Variants in HS2ST1 observed in about 807,000 individuals in gnomAD.
The protein encoded by HS2ST1 is 2-O-sulfotransferase.
Under a neutral mutation model 42.9 loss-of-function variants are expected in HS2ST1, and 18 were observed. The ratio of observed to expected loss-of-function variants is 0.42; its 90% confidence interval spans 0.29 to 0.62. The LOEUF (loss-of-function observed/expected upper bound fraction) is 0.62, where lower values mean the gene tolerates loss of function less well. Among genes scored for constraint, HS2ST1 ranks in the 20% least tolerant of loss-of-function variants. The probability of loss-of-function intolerance (pLI) is 0.21; values close to 1 mark genes in which losing one functional copy is unlikely to be tolerated. For synonymous variants in HS2ST1, 146 were observed against 152.9 expected (o/e 0.95, Z 0.33); for missense variants, 334 against 433.8 (o/e 0.77, Z 2.04).
chr1:87,059,975 A>G lies in HS2ST1; in HGVS notation c.125-12959A>G, dbSNP rs537963555. On this transcript the variant is annotated intron_variant, in intron 1 of 6. Transcript: ENST00000370550. ...ACCTACTTCAGACCTTACAATCCAT[A>G]TAGTAACCCATAAATAAGTAAAACC... Among the ~76,000 whole-genome samples, 37 of 152,314 alleles carry G rather than the reference A, an allele frequency of 2.4e-4. No individual in the cohort carries two copies. In the South Asian group the frequency reaches 4.6e-3, roughly 19 times the overall value.
At chr1:87,069,783 T>C (rs994125873) in intron 1 of HS2ST1, among the ~76,000 whole-genome samples, 24 of 152,188 alleles carry the variant, frequency 1.6e-4, no homozygotes, top group African/African-American at 5.5e-4. Flanking sequence ...ATTTAAGACA[T>C]TTCTAAAATT....
intron 1 of HS2ST1, among the ~76,000 whole-genome samples, chr1:87,006,947 A>G (rs1252492948): frequency 1.3e-5 from 2 of 152,024 alleles, no homozygotes; most frequent in Non-Finnish European, 2.9e-5. Flanking sequence ...TTTTTTCTCT[A>G]CAGAATGGAG....
chr1:87,003,074 A>G (rs1649338691), intron 1 of HS2ST1, among the ~76,000 whole-genome samples: 1 of 152,256 alleles, frequency 6.6e-6, no homozygotes, highest in South Asian at 2.1e-4. Flanking sequence ...CACAGATCCC[A>G]GTCCAGACTA....
At chr1:86,981,699 T>C (rs1252596544) in intron 1 of HS2ST1, among the ~76,000 whole-genome samples, 2 of 152,278 alleles carry the variant, frequency 1.3e-5, no homozygotes. Context: ...CCTTGGGCAC[T>C]CTGCCCTTGT....
intron 1 of HS2ST1, chr1:86,993,060 G>T: frequency 6.3e-7 from 1 of 1,586,896 alleles, no homozygotes. Flanking sequence ...ATCAGGGGAA[G>T]GTCACCAAGT....
At chr1:86,926,222 A>G (rs1279824717) in intron 1 of HS2ST1, among the ~76,000 whole-genome samples, 1 of 152,152 alleles carries the variant, frequency 6.6e-6, no homozygotes, top group Non-Finnish European at 1.5e-5. Context: ...TGAATTCCCA[A>G]AATTGTTCCA....
chr1:87,028,724 G>A (rs1039801379), intron 1 of HS2ST1, among the ~76,000 whole-genome samples: 2 of 152,146 alleles, frequency 1.3e-5, no homozygotes, highest in African/African-American at 4.8e-5. Flanking sequence ...ATTCCTAAAG[G>A]AATTTCTAAA....
intron 1 of HS2ST1, among the ~76,000 whole-genome samples, chr1:87,036,205 A>G (rs1409395491): frequency 6.6e-6 from 1 of 152,086 alleles, no homozygotes; most frequent in Non-Finnish European, 1.5e-5. Context: ...TCTATCATTG[A>G]TGGGCATTTG....
At chr1:86,999,672 C>G (rs182466591) in intron 1 of HS2ST1, among the ~76,000 whole-genome samples, 172 of 129,532 alleles carry the variant, frequency 1.3e-3, no homozygotes, top group Non-Finnish European at 2.5e-3. Flanking sequence ...AATATATCGT[C>G]ATTCTTTTCA....
intron 1 of HS2ST1, among the ~76,000 whole-genome samples, chr1:87,016,741 GT>G (rs1649770693): frequency 6.6e-6 from 1 of 152,034 alleles, no homozygotes; most frequent in African/African-American, 2.4e-5. Context: ...CCATTCACCC[GT>G]GCCCCCATTC....
intron 1 of HS2ST1, among the ~76,000 whole-genome samples, chr1:86,946,279 T>TAAAA (rs899905750): frequency 6.6e-6 from 1 of 152,200 alleles, no homozygotes; most frequent in African/African-American, 2.4e-5. Context: ...AATTAAAGAA[T>TAAAA]TTTAGAGTTG....
intron 1 of HS2ST1, among the ~76,000 whole-genome samples, chr1:87,044,009 A>G (rs1650582258): frequency 6.6e-6 from 1 of 152,108 alleles, no homozygotes; most frequent in African/African-American, 2.4e-5. Flanking sequence ...TAGGCTCACA[A>G]CAAATCTTTG....
chr1:87,089,071 C>T (rs1651879281), intron 3 of HS2ST1, among the ~76,000 whole-genome samples: 1 of 152,028 alleles, frequency 6.6e-6, no homozygotes, highest in Non-Finnish European at 1.5e-5. Flanking sequence ...AGGTTCATCA[C>T]CTCCTTTTTT....
chr1:87,065,936 C>G (rs1191148156), intron 1 of HS2ST1, among the ~76,000 whole-genome samples: 1 of 152,086 alleles, frequency 6.6e-6, no homozygotes, highest in Non-Finnish European at 1.5e-5. Context: ...TATTTGAGGG[C>G]AAGACAATTT....
chr1:87,020,227 TG>T (rs1422570246), intron 1 of HS2ST1, among the ~76,000 whole-genome samples: 1 of 152,200 alleles, frequency 6.6e-6, no homozygotes, highest in Non-Finnish European at 1.5e-5. Flanking sequence ...GCTCTAAAGT[TG>T]AGGGATACAA....
intron 5 of HS2ST1, among the ~76,000 whole-genome samples, chr1:87,100,367 C>T (rs762954739): frequency 6.6e-6 from 1 of 152,180 alleles, no homozygotes; most frequent in Non-Finnish European, 1.5e-5. Context: ...GAGGCTGGAA[C>T]TGGAGTGGCC....
chr1:87,106,303 A>C lies in HS2ST1; in HGVS notation c.*1607A>C, dbSNP rs1404739755. The C allele has an allele frequency of 1.3e-5, 2 of 152,536 alleles. No homozygotes were observed. Among genetic ancestry groups the C allele is most frequent in the Admixed American group, 1.3e-4 (2 of 15,256 alleles). 9.4% of individuals were successfully genotyped at this position (152,536 alleles called of 1,614,324 possible). A position where few individuals can be genotyped will look rare whatever the true frequency, so the allele number is the denominator to read the frequency against. ...TGTGAACTCTTAAAGCTTCATGAGC[A>C]GCTGCTTGAGTTCAGGAAGTTCACT... is the stretch of plus-strand genomic sequence containing the variant. On this transcript the variant is annotated 3_prime_UTR_variant, in exon 7 of 7. Transcript: ENST00000370550.
rs182428482 is a variant in HS2ST1 at position 87,044,133 on chromosome 1, A to T, written c.125-28801A>T. Reference sequence around the variant, plus strand: ...TTTGAAATGCGGCATTATTTTTGTTATGTAGATCTAGAAAATAGGAAAATA... The same window carrying T: ...TTTGAAATGCGGCATTATTTTTGTTTTGTAGATCTAGAAAATAGGAAAATA... On this transcript the variant is annotated intron_variant, in intron 1 of 6. Coordinates refer to ENST00000370550, the MANE Select transcript of HS2ST1 (RefSeq NM_012262.4). Among the ~76,000 whole-genome samples the T allele has an allele frequency of 9.2e-5, 14 of 152,216 alleles. No individual in the cohort carries two copies. The East Asian group carries it at 2.7e-3, about 29-fold the overall frequency.
Position 87,104,504 on chromosome 1 carries a change from G to T in HS2ST1, c.879G>T (p.Lys293Asn). The change falls in exon 7 of 7, where the codon AAG becomes AAT. Residue 293 changes from lysine to asparagine, a missense_variant. Physicochemically the swap from Lys to Asn is moderately conservative, Grantham distance 94 (BLOSUM62 0). Coordinates refer to ENST00000370550, the MANE Select transcript of HS2ST1 (RefSeq NM_012262.4). ...KKSHLRKTTE[K>N]KLPTKQTIAK... is the part of the protein sequence containing the mutation. ...CTCATCTTAGGAAAACCACAGAGAA[G>T]AAACTCCCCACTAAACAAACCATTG... 6.2e-7 allele frequency: 1 copy of T among 1,612,898 alleles called. No individual in the cohort carries two copies. The highest frequency in any genetic ancestry group is 8.5e-7 in the Non-Finnish European group (1 of 1,179,116).
Sources: allele counts gnomAD v4.1 joint callset (sites outside exome capture counted in the v4.1 genomes callset), GRCh38; gene constraint gnomAD v4.1.1; transcripts MANE v1.5; gene names NCBI Gene and HGNC (gene_info 2026-07-23, HGNC 2026-07-21).